Variants in CCDC158 observed in about 807,000 individuals in gnomAD.
The protein encoded by CCDC158 is coiled-coil domain containing 158.
Under a neutral mutation model 138.6 loss-of-function variants are expected in CCDC158, and 116 were observed. That is an observed-to-expected ratio of 0.84 (90% CI 0.72 to 0.98). The LOEUF (loss-of-function observed/expected upper bound fraction) is 0.98. Among genes scored for constraint, CCDC158 ranks in the 50% least tolerant of loss-of-function variants. CCDC158 has a pLI of 0.00. For missense variants in CCDC158, 1,265 were observed against 1,306.1 expected (o/e 0.97, Z 0.48); for synonymous variants, 436 against 442.4 (o/e 0.99, Z 0.18).
At chr4:76,324,332 C>T (rs995426224) in intron 23 of CCDC158, among the ~76,000 whole-genome samples, 1 of 151,860 alleles carries the variant, frequency 6.6e-6, no homozygotes, top group South Asian at 2.1e-4. Flanking sequence ...GGATTACAGG[C>T]ATGTGCCACC....
At chr4:76,335,810 C>T (rs558833417) in intron 18 of CCDC158, among the ~76,000 whole-genome samples, 31 of 152,220 alleles carry the variant, frequency 2.0e-4, no homozygotes, top group Admixed American at 1.4e-3. Context: ...TGGACTCAGG[C>T]GATCCACGCA....
chr4:76,362,596 TC>T (rs1457900081), intron 12 of CCDC158, among the ~76,000 whole-genome samples: 6 of 152,334 alleles, frequency 3.9e-5, no homozygotes, highest in Admixed American at 2.6e-4. Flanking sequence ...CAACAACCCT[TC>T]ATTATTCCTA....
intron 18 of CCDC158, among the ~76,000 whole-genome samples, chr4:76,335,562 C>T (rs185217268): frequency 1.3e-5 from 2 of 152,190 alleles, no homozygotes; most frequent in African/African-American, 4.8e-5. Flanking sequence ...TGATGCTTTA[C>T]AATACATAAG....
At chr4:76,352,137 G>T in intron 16 of CCDC158, 1 of 179,372 alleles carries the variant, frequency 5.6e-6, no homozygotes, top group Non-Finnish European at 1.2e-5. Context: ...GGGCATGGTG[G>T]CTCACACCTG....
chr4:76,406,523 C>T (rs1036430311), intron 2 of CCDC158, among the ~76,000 whole-genome samples: 2 of 152,122 alleles, frequency 1.3e-5, no homozygotes, highest in African/African-American at 4.8e-5. Flanking sequence ...ATATACTTTC[C>T]TCTCCAAGGG....
chr4:76,367,442 T>C lies in CCDC158; in HGVS notation c.1682A>G (p.Asp561Gly), dbSNP rs1380782544. 1 of 1,614,268 alleles carries C rather than the reference T, an allele frequency of 6.2e-7. No homozygotes were observed. The highest frequency in any genetic ancestry group is 1.7e-5 in the Admixed American group (1 of 60,026). The change falls in exon 12 of 25, where the codon GAC becomes GGC. Residue 561 changes from aspartate to glycine, a missense_variant. By Grantham distance (94) the Asp-to-Gly change is moderately conservative. Coordinates refer to ENST00000682701, the MANE Select transcript of CCDC158 (RefSeq NM_001394954.1). ...EALKLQMTEK[D>G]KVIEILRQQI... ...CTGTCGCAGAATCTCGATCACCTTG[T>C]CCTTCTCTGTCATCTGCAGTTTGAG...
chr4:76,355,367 C>T lies in CCDC158; in HGVS notation c.2243G>A (p.Ser748Asn), dbSNP rs1723442912. 1.2e-6 allele frequency: 2 copies of T among 1,613,842 alleles called. No individual in the cohort carries two copies. The highest frequency in any genetic ancestry group is 2.2e-5 in the East Asian group (1 of 44,892). Residue 748 changes from serine to asparagine, a missense_variant, in exon 15 of 25, where the codon AGC becomes AAC. Ser to Asn is a conservative substitution (Grantham distance 46). Coordinates refer to ENST00000682701, the MANE Select transcript of CCDC158 (RefSeq NM_001394954.1). ...TGCCTCTTCCAAAAACTGTATCTTGCTCTGAAGGGCATCTATCTGACCTCT... is the reference window on the plus strand; with the variant it reads ...TGCCTCTTCCAAAAACTGTATCTTGTTCTGAAGGGCATCTATCTGACCTCT... ...AKRGQIDALQ[S>N]KIQFLEEAMT...
chr4:76,358,230 A>G (rs1452888614), intron 13 of CCDC158, among the ~76,000 whole-genome samples: 1 of 152,094 alleles, frequency 6.6e-6, no homozygotes. Context: ...CCACAAACTA[A>G]AATCCTGAAA....
Position 76,367,352 on chromosome 4 carries a change from T to C in CCDC158, c.1772A>G (p.Glu591Gly). The C allele has an allele frequency of 3.1e-6, 5 of 1,614,096 alleles. No individual in the cohort carries two copies. Among genetic ancestry groups the C allele is most frequent in the Non-Finnish European group, 4.2e-6 (5 of 1,179,924 alleles). ...AATTTCTTTCTCCAGTTGAGCTTTT[T>C]CTACTTGCATAGCTCCAGCAGTTCG... ...HGRTAGAMQVEKAQLEKEIND... is the reference protein window; with the variant it reads ...HGRTAGAMQVGKAQLEKEIND... Residue 591 changes from glutamate (E) to glycine (G), a missense_variant, in exon 12 of 25, where the codon GAA becomes GGA. By Grantham distance (98) the Glu-to-Gly change is moderately conservative. Coordinates refer to ENST00000682701, the MANE Select transcript of CCDC158 (RefSeq NM_001394954.1).
chr4:76,346,566 T>G (rs981401716), intron 18 of CCDC158, among the ~76,000 whole-genome samples: 2 of 151,940 alleles, frequency 1.3e-5, no homozygotes, highest in Non-Finnish European at 2.9e-5. Flanking sequence ...AAAAAATAGC[T>G]GGGCATGGTG....
chr4:76,419,562 C>T (rs976832636), intron 1 of CCDC158, among the ~76,000 whole-genome samples: 1 of 152,148 alleles, frequency 6.6e-6, no homozygotes, highest in Admixed American at 6.5e-5. Flanking sequence ...AGTTCCTTGC[C>T]TCTTCTAGCT....
intron 24 of CCDC158, among the ~76,000 whole-genome samples, chr4:76,315,709 A>C: frequency 6.6e-6 from 1 of 152,218 alleles, no homozygotes. Flanking sequence ...ACTCTCACAG[A>C]GTGTACTTTA....
chr4:76,400,487 G>A (rs1056982003), intron 3 of CCDC158, among the ~76,000 whole-genome samples: 4 of 151,524 alleles, frequency 2.6e-5, no homozygotes, highest in Admixed American at 6.6e-5. Context: ...ACACCAACAT[G>A]GCACATGTAT....
At chr4:76,335,202 T>C (rs919014205) in intron 18 of CCDC158, among the ~76,000 whole-genome samples, 5 of 152,216 alleles carry the variant, frequency 3.3e-5, no homozygotes, top group Admixed American at 2.0e-4. Flanking sequence ...ACTTTGTCAA[T>C]TGTGAATAAA....
At chr4:76,367,059 C>A (rs562213370) in intron 12 of CCDC158, among the ~76,000 whole-genome samples, 2 of 152,264 alleles carry the variant, frequency 1.3e-5, no homozygotes, top group African/African-American at 4.8e-5. Context: ...CATAGATTTT[C>A]TGATCTTTTT....
chr4:76,385,059 C>G (rs1421047651), intron 4 of CCDC158, among the ~76,000 whole-genome samples: 1 of 152,174 alleles, frequency 6.6e-6, no homozygotes, highest in Non-Finnish European at 1.5e-5. Flanking sequence ...ATCCAAAACT[C>G]CAGGTGTCCT....
intron 18 of CCDC158, among the ~76,000 whole-genome samples, chr4:76,335,733 A>G (rs1357384110): frequency 6.6e-6 from 1 of 152,104 alleles, no homozygotes; most frequent in Admixed American, 6.6e-5. Context: ...GGCCTGCACC[A>G]CCATGACCAG....
intron 18 of CCDC158, among the ~76,000 whole-genome samples, chr4:76,336,909 G>C (rs1301635919): frequency 6.6e-6 from 1 of 152,132 alleles, no homozygotes; most frequent in Non-Finnish European, 1.5e-5. Flanking sequence ...GTCTTTTCCA[G>C]AAGTTCTTAA....
chr4:76,389,904 A>G (rs1333451702), intron 4 of CCDC158, among the ~76,000 whole-genome samples: 3 of 152,168 alleles, frequency 2.0e-5, no homozygotes, highest in Non-Finnish European at 4.4e-5. Context: ...ACACTTTTCT[A>G]GAAAACAAAA....
Sources: allele counts gnomAD v4.1 joint callset (sites outside exome capture counted in the v4.1 genomes callset), GRCh38; gene constraint gnomAD v4.1.1; transcripts MANE v1.5; gene names NCBI Gene and HGNC (gene_info 2026-07-23, HGNC 2026-07-21).